Variants in NDUFAF5 observed in about 807,000 individuals in gnomAD.
NDUFAF5 encodes arginine-hydroxylase NDUFAF5, mitochondrial.
Under a neutral mutation model 48.9 loss-of-function variants are expected in NDUFAF5, and 34 were observed. The observed-to-expected ratio is 0.70, with a 90% confidence interval of 0.53 to 0.93. The LOEUF (loss-of-function observed/expected upper bound fraction) is 0.93. Among genes scored for constraint, NDUFAF5 ranks in the 40% least tolerant of loss-of-function variants. The pLI is 0.00. For synonymous variants in NDUFAF5, 153 were observed against 150.6 expected (o/e 1.02, Z -0.12); for missense variants, 428 against 427.5 (o/e 1.00, Z -0.01).
At chr20:13,793,101 TA>T in intron 3 of NDUFAF5, 78 bp from the exon 4 acceptor site, 1 of 1,484,432 alleles carries the variant, frequency 6.7e-7, no homozygotes, top group South Asian at 1.1e-5. Flanking sequence ...AAAATGTAAT[TA>T]ACACTTTTAC....
At position 13,820,138 on chromosome 20, in the gene NDUFAF5, G is replaced by C. The variant is rs535547016; in HGVS notation, c.*2928G>C. 5.3e-5 allele frequency: 8 copies of C among 152,252 alleles called. No homozygotes were observed. The highest frequency in any genetic ancestry group is 1.7e-4 in the African/African-American group (7 of 41,540). 9.4% of individuals were successfully genotyped at this position (152,252 alleles called of 1,614,324 possible). ...TTTCCTGGTTCTTAGCAATATTCCA[G>C]GTTGGCCTGGAGAATTCCAAAGGTA... On this transcript the variant is annotated 3_prime_UTR_variant, in exon 11 of 11. Coordinates refer to ENST00000378106, the MANE Select transcript of NDUFAF5 (RefSeq NM_024120.5).
Position 13,785,063 on chromosome 20 carries a change from C to T in NDUFAF5, c.-6C>T. The T allele has an allele frequency of 1.2e-6, 2 of 1,609,492 alleles. No individual in the cohort carries two copies. Among genetic ancestry groups the T allele is most frequent in the Non-Finnish European group, 8.5e-7 (1 of 1,179,066 alleles). On this transcript the variant is annotated 5_prime_UTR_variant, in exon 1 of 11. Coordinates refer to ENST00000378106, the MANE Select transcript of NDUFAF5 (RefSeq NM_024120.5). ...AAAGCGCCGGCAATTGGGGTCGCAG[C>T]TGGAGATGCTGCGGCCGGCAGGGCT...
At position 13,818,594 on chromosome 20, in the gene NDUFAF5, G is replaced by C. The variant is rs1209200899; in HGVS notation, c.*1384G>C. The C allele has an allele frequency of 4.3e-6, 1 of 234,320 alleles. No homozygotes were observed. Among genetic ancestry groups the C allele is most frequent in the African/African-American group, 2.3e-5 (1 of 42,622 alleles). 14.5% of individuals were successfully genotyped at this position (234,320 alleles called of 1,614,324 possible). A position where few individuals can be genotyped will look rare whatever the true frequency, so the allele number is the denominator to read the frequency against. On this transcript the variant is annotated 3_prime_UTR_variant, in exon 11 of 11. Coordinates refer to ENST00000378106, the MANE Select transcript of NDUFAF5 (RefSeq NM_024120.5). ...CAGGAGTTCAAGGCTGCAGTGAGCT[G>C]TCTGTGCCACGGCACTCCAACCTGG... is the stretch of plus-strand genomic sequence containing the variant.
intron 3 of NDUFAF5, among the ~76,000 whole-genome samples, chr20:13,791,334 A>G (rs964143856): frequency 6.6e-6 from 1 of 152,206 alleles, no homozygotes; most frequent in Non-Finnish European, 1.5e-5. Flanking sequence ...TCTAGACCTC[A>G]GTTTCTATAA....
At position 13,817,613 on chromosome 20, in the gene NDUFAF5, A is replaced by G. The variant is rs1265614674; in HGVS notation, c.*403A>G. On this transcript the variant is annotated 3_prime_UTR_variant, in exon 11 of 11. Transcript: ENST00000378106. ...CCAGAGTTATGTGGTTTTAGAATTT[A>G]GAAGAGCATGTATCTTTATTAAATC... 1 of 455,910 alleles carries G rather than the reference A, an allele frequency of 2.2e-6. No homozygotes were observed. Among genetic ancestry groups the G allele is most frequent in the South Asian group, 1.6e-5 (1 of 64,502 alleles). 28.2% of individuals were successfully genotyped at this position (455,910 alleles called of 1,614,324 possible). A position where few individuals can be genotyped will look rare whatever the true frequency, so the allele number is the denominator to read the frequency against.
At chr20:13,807,961 AATTATT>A (rs1447592343) in intron 7 of NDUFAF5, among the ~76,000 whole-genome samples, 1 of 151,502 alleles carries the variant, frequency 6.6e-6, no homozygotes, top group Non-Finnish European at 1.5e-5. Flanking sequence ...AAAAAAAAAA[AATTATT>A]TTAGGCTAGT....
At chr20:13,816,097 A>G in intron 8 of NDUFAF5, 2 of 358,356 alleles carry the variant, frequency 5.6e-6, no homozygotes, top group South Asian at 2.3e-5. Context: ...AAGAGCAGCT[A>G]AAAGCATGAG....
chr20:13,816,411 C>T, intron 8 of NDUFAF5, 52 bp from the exon 9 acceptor site: 1 of 1,220,148 alleles, frequency 8.2e-7, no homozygotes, highest in South Asian at 1.2e-5. Context: ...TGGTATTGAG[C>T]TGTTCAGGGT....
intron 4 of NDUFAF5, among the ~76,000 whole-genome samples, chr20:13,794,311 G>T (rs1165171742): frequency 6.7e-6 from 1 of 149,882 alleles, no homozygotes. Flanking sequence ...AGACAGTCTT[G>T]CACTGTTGTC....
intron 8 of NDUFAF5, chr20:13,814,261 A>C (rs1219278358): frequency 2.7e-6 from 1 of 373,006 alleles, no homozygotes; most frequent in East Asian, 7.3e-5. Flanking sequence ...GGGATGATGG[A>C]GGCAGGGAGA....
intron 5 of NDUFAF5, among the ~76,000 whole-genome samples, chr20:13,795,373 A>G (rs896742305): frequency 3.3e-5 from 5 of 152,128 alleles, no homozygotes; most frequent in Admixed American, 6.5e-5. Context: ...GGGAAAAAAA[A>G]GTTGAGGCAC....
intron 7 of NDUFAF5, among the ~76,000 whole-genome samples, chr20:13,806,543 A>G (rs1985042732): frequency 6.6e-6 from 1 of 152,140 alleles, no homozygotes; most frequent in Admixed American, 6.5e-5. Context: ...AATGGTGCAG[A>G]TATGGTCCCC....
intron 5 of NDUFAF5, among the ~76,000 whole-genome samples, chr20:13,797,047 T>G (rs949862999): frequency 3.9e-5 from 6 of 152,144 alleles, no homozygotes; most frequent in African/African-American, 1.4e-4. Flanking sequence ...TTTTATCACC[T>G]TAAAAAATGG....
In NDUFAF5 at chr20:13,787,708, T is replaced by C. The variant is rs190652242; in HGVS notation, c.263+356T>C. 2.0e-5 allele frequency among the ~76,000 whole-genome samples: 3 copies of C among 152,326 alleles called. No individual in the cohort carries two copies. In the East Asian group the frequency reaches 5.8e-4, roughly 29 times the overall value. On this transcript the variant is annotated intron_variant, in intron 2 of 10. Transcript: ENST00000378106. ...CTGTACCTAACTGTGCCATATTGCC[T>C]GTGTTCATCATCAAGATATAGGGCA...
chr20:13,787,389 T>C (rs777314125), intron 2 of NDUFAF5, 37 bp downstream of exon 2: 5 of 1,594,430 alleles, frequency 3.1e-6, no homozygotes, highest in Non-Finnish European at 4.3e-6. Context: ...ACCATCAACT[T>C]TTGAGTGGAA....
At chr20:13,810,637 T>G (rs1481487502) in intron 8 of NDUFAF5, among the ~76,000 whole-genome samples, 2 of 152,018 alleles carry the variant, frequency 1.3e-5, no homozygotes, top group Non-Finnish European at 1.5e-5. Context: ...AGACTTGAAT[T>G]TATTTAATTG....
intron 6 of NDUFAF5, 85 bp downstream of exon 6, chr20:13,798,585 ATTTAC>A: frequency 9.2e-7 from 1 of 1,082,768 alleles, no homozygotes. Flanking sequence ...TTCACATACT[ATTTAC>A]TTGTAGGTCT....
chr20:13,817,287 T>C lies in NDUFAF5; in HGVS notation c.*77T>C, dbSNP rs1246472019. Reference sequence around the variant, plus strand: ...TTTAACATCTAAAATTATTATATTTTGAAGCAAGAAGCACTCTAAGCTATT... The same window carrying C: ...TTTAACATCTAAAATTATTATATTTCGAAGCAAGAAGCACTCTAAGCTATT... On this transcript the variant is annotated 3_prime_UTR_variant, in exon 11 of 11. Transcript: ENST00000378106. 8.6e-7 allele frequency: 1 copy of C among 1,167,180 alleles called. No individual in the cohort carries two copies. The highest frequency in any genetic ancestry group is 2.3e-5 in the East Asian group (1 of 42,800). 72.3% of individuals were successfully genotyped at this position (1,167,180 alleles called of 1,614,324 possible). A position where few individuals can be genotyped will look rare whatever the true frequency, so the allele number is the denominator to read the frequency against.
chr20:13,801,965 A>G, intron 7 of NDUFAF5: 1 of 358,180 alleles, frequency 2.8e-6, no homozygotes, highest in Admixed American at 4.4e-5. Context: ...ATACAACTCC[A>G]TTAGAATCTT....
Sources: gnomAD v4.1 joint callset for allele counts (sites outside exome capture counted in the v4.1 genomes callset) on GRCh38, gnomAD v4.1.1 for gene constraint, MANE v1.5 for transcripts, NCBI Gene and HGNC (gene_info 2026-07-23, HGNC 2026-07-21) for gene names.